SYBU: variants seen among roughly 807,000 people sequenced by gnomAD.
SYBU encodes the protein GOLSYN A protein.
Under a neutral mutation model 35.9 loss-of-function variants are expected in SYBU, and 21 were observed. That is an observed-to-expected ratio of 0.58 (90% CI 0.41 to 0.84). The LOEUF (loss-of-function observed/expected upper bound fraction) is 0.84, where lower values mean the gene tolerates loss of function less well. Among genes scored for constraint, SYBU ranks in the 40% least tolerant of loss-of-function variants. The pLI is 0.00. For missense variants in SYBU, 768 were observed against 848.2 expected (o/e 0.91, Z 1.17); for synonymous variants, 319 against 324.3 (o/e 0.98, Z 0.18).
intron 3 of SYBU, among the ~76,000 whole-genome samples, chr8:109,612,336 TC>T (rs1170254675): frequency 1.3e-5 from 2 of 152,190 alleles, no homozygotes. Flanking sequence ...AATGTATCCT[TC>T]CAAATATTTT....
At chr8:109,656,563 A>T (rs1050527365) in intron 1 of SYBU, among the ~76,000 whole-genome samples, 16 of 152,342 alleles carry the variant, frequency 1.1e-4, no homozygotes, top group African/African-American at 3.8e-4. Flanking sequence ...ACCAAACAAT[A>T]ATTGGGCAGG....
At chr8:109,616,617 G>C (rs951149191) in intron 3 of SYBU, among the ~76,000 whole-genome samples, 2 of 151,956 alleles carry the variant, frequency 1.3e-5, no homozygotes, top group African/African-American at 4.8e-5. Context: ...ATGAGGTGGT[G>C]GGGGTGGGCT....
chr8:109,685,380 T>C (rs1390643943), upstream of SYBU, among the ~76,000 whole-genome samples: 1 of 152,220 alleles, frequency 6.6e-6, no homozygotes, highest in African/African-American at 2.4e-5. Flanking sequence ...CATCATCTGA[T>C]TTGTGCCACC....
intron 1 of SYBU, among the ~76,000 whole-genome samples, chr8:109,655,839 G>T (rs1310563601): frequency 6.6e-6 from 1 of 152,192 alleles, no homozygotes; most frequent in East Asian, 1.9e-4. Context: ...TCTAGACCAG[G>T]CGTGGTGGCT....
chr8:109,625,668 C>T (rs1407789112), intron 2 of SYBU, among the ~76,000 whole-genome samples: 1 of 152,186 alleles, frequency 6.6e-6, no homozygotes, highest in Non-Finnish European at 1.5e-5. Context: ...GTGGTCCTCC[C>T]ACCTTGGCTC....
At chr8:109,685,568 G>A (rs1817501950), upstream of SYBU, among the ~76,000 whole-genome samples, 1 of 152,114 alleles carries the variant, frequency 6.6e-6, no homozygotes, top group African/African-American at 2.4e-5. Context: ...ACTGCTTTGT[G>A]TTGTTGTTAT....
intron 2 of SYBU, among the ~76,000 whole-genome samples, chr8:109,624,532 G>T (rs1812770751): frequency 6.6e-6 from 1 of 152,170 alleles, no homozygotes; most frequent in Admixed American, 6.5e-5. Flanking sequence ...ACTAGACAAA[G>T]TCTAATGGAG....
At chr8:109,665,041 G>T (rs971311325) in intron 1 of SYBU, among the ~76,000 whole-genome samples, 1 of 151,992 alleles carries the variant, frequency 6.6e-6, no homozygotes, top group Non-Finnish European at 1.5e-5. Context: ...CACTTGAATG[G>T]TCTAGGCCAA....
At chr8:109,587,067 A>T (rs1340762901) in intron 3 of SYBU, among the ~76,000 whole-genome samples, 1 of 152,178 alleles carries the variant, frequency 6.6e-6, no homozygotes, top group African/African-American at 2.4e-5. Context: ...AGAATTTTTT[A>T]AAAACGTGAA....
chr8:109,614,398 G>A (rs557282076), intron 3 of SYBU, among the ~76,000 whole-genome samples: 2 of 152,292 alleles, frequency 1.3e-5, no homozygotes, highest in South Asian at 2.1e-4. Context: ...AACTAAATAC[G>A]GGAGGAGCAC....
At position 109,691,255 on chromosome 8, in the gene SYBU, T is replaced by G; in HGVS notation, c.-58+78A>C. On this transcript the variant is annotated intron_variant, in intron 1 of 7. Transcript: ENST00000422135. This position sits in a 1 kb window ranked among gnomAD's most constrained non-coding sequence, Gnocchi z 4.7. ...CCGGAGCGCCCCATCACTGCCCTCATTGTACCGAAGACCATCAGTTGCCCT... is the reference window on the plus strand; with the variant it reads ...CCGGAGCGCCCCATCACTGCCCTCAGTGTACCGAAGACCATCAGTTGCCCT... 1 of 692,660 alleles carries G rather than the reference T, an allele frequency of 1.4e-6. No homozygotes were observed. Among genetic ancestry groups the G allele is most frequent in the East Asian group, 2.8e-5 (1 of 35,984 alleles). 42.9% of individuals were successfully genotyped at this position (692,660 alleles called of 1,614,324 possible). A position where few individuals can be genotyped will look rare whatever the true frequency, so the allele number is the denominator to read the frequency against.
chr8:109,645,633 G>GT (rs77642059), upstream of SYBU: 27,519 of 224,374 alleles, frequency 0.12, 98 homozygotes, highest in South Asian at 0.21. Flanking sequence ...TTCGTTTTTT[G>GT]TTTTTTTTTT....
chr8:109,665,688 C>G (rs1816728035), intron 1 of SYBU, among the ~76,000 whole-genome samples: 1 of 152,186 alleles, frequency 6.6e-6, no homozygotes, highest in South Asian at 2.1e-4. Context: ...CAAGAAGGCT[C>G]TATTGCAGAT....
intron 1 of SYBU, among the ~76,000 whole-genome samples, chr8:109,671,445 A>G (rs1323332286): frequency 6.6e-6 from 1 of 152,174 alleles, no homozygotes; most frequent in African/African-American, 2.4e-5. Flanking sequence ...GCTGGAGGGA[A>G]GCTCATTGAG....
At chr8:109,664,375 A>G (rs957341993) in intron 1 of SYBU, among the ~76,000 whole-genome samples, 5 of 152,162 alleles carry the variant, frequency 3.3e-5, no homozygotes, top group African/African-American at 1.2e-4. Flanking sequence ...AAATAAATAA[A>G]TGGAACAAAA....
intron 1 of SYBU, among the ~76,000 whole-genome samples, chr8:109,666,901 A>G (rs1434458287): frequency 6.6e-6 from 1 of 152,166 alleles, no homozygotes; most frequent in African/African-American, 2.4e-5. Flanking sequence ...ATTCTCTTGT[A>G]TCCCACCTTC....
intron 2 of SYBU, 98 bp downstream of exon 2, chr8:109,642,630 G>T: frequency 1.5e-6 from 1 of 682,616 alleles, no homozygotes; most frequent in Non-Finnish European, 2.2e-6. Context: ...TAGTAGAAGT[G>T]TAGTTCTAGG....
intron 1 of SYBU, chr8:109,644,004 C>T: frequency 2.3e-6 from 1 of 427,272 alleles, no homozygotes; most frequent in Non-Finnish European, 4.7e-6. Flanking sequence ...GCTTAGGTAA[C>T]AAACACCCTT....
chr8:109,627,398 A>T (rs374486203), intron 2 of SYBU, among the ~76,000 whole-genome samples: 2 of 152,362 alleles, frequency 1.3e-5, no homozygotes, highest in East Asian at 3.9e-4. Flanking sequence ...CTCATGATAA[A>T]TATAAACCAG....
Sources: gnomAD v4.1 joint callset for allele counts (sites outside exome capture counted in the v4.1 genomes callset) on GRCh38, gnomAD v4.1.1 for gene constraint, Gnocchi (gnomAD v3.1) non-coding constraint, MANE v1.5 for transcripts, NCBI Gene and HGNC (gene_info 2026-07-23, HGNC 2026-07-21) for gene names.